Variants in CUBN observed in about 807,000 individuals in gnomAD.
CUBN encodes cubilin.
CUBN carries 282 observed loss-of-function variants against 405.3 expected under a neutral mutation model. That is an observed-to-expected ratio of 0.70 (90% confidence interval 0.63 to 0.77). CUBN has a LOEUF of 0.77. CUBN is among the 30% of genes least tolerant of loss of function. CUBN has a pLI of 0.00. For synonymous variants in CUBN, 1,684 were observed against 1,617.0 expected (o/e 1.04, Z -0.99); for missense variants, 4,514 against 4,475.2 (o/e 1.01, Z -0.25).
chr10:16,849,864 T>C (rs1171406859), intron 60 of CUBN, among the ~76,000 whole-genome samples: 2 of 152,146 alleles, frequency 1.3e-5, no homozygotes, highest in Non-Finnish European at 2.9e-5. Flanking sequence ...CCTCACTCAT[T>C]GGAAAACCTT....
chr10:17,004,858 T>C (rs1833975784), intron 28 of CUBN, among the ~76,000 whole-genome samples: 1 of 152,082 alleles, frequency 6.6e-6, no homozygotes, highest in African/African-American at 2.4e-5. Context: ...TTAGTAGAGA[T>C]GGGGTGGGCC....
At chr10:17,106,713 A>AG (rs1313963821) in intron 10 of CUBN, among the ~76,000 whole-genome samples, 2 of 152,016 alleles carry the variant, frequency 1.3e-5, no homozygotes, top group African/African-American at 4.8e-5. Context: ...AGCTAGAATG[A>AG]GGGGAGCCCA....
chr10:16,993,059 T>C (rs917591665), intron 28 of CUBN, among the ~76,000 whole-genome samples: 19 of 152,214 alleles, frequency 1.2e-4, no homozygotes, highest in African/African-American at 4.6e-4. Context: ...CAGTGCCTCA[T>C]GTAACTCGTG....
At chr10:17,089,927 G>C (rs933613334) in intron 14 of CUBN, among the ~76,000 whole-genome samples, 1 of 151,932 alleles carries the variant, frequency 6.6e-6, no homozygotes, top group Non-Finnish European at 1.5e-5. Flanking sequence ...TTTAAGAACG[G>C]CCTGGGCAGC....
intron 59 of CUBN, among the ~76,000 whole-genome samples, chr10:16,866,637 T>A (rs1189943646): frequency 6.6e-6 from 1 of 152,210 alleles, no homozygotes; most frequent in East Asian, 1.9e-4. Context: ...ATTTGCAGAT[T>A]ATTTCAGAGT....
chr10:17,119,957 T>G (rs17362157), intron 6 of CUBN, among the ~76,000 whole-genome samples: 19,620 of 152,220 alleles, frequency 0.13, 1,443 homozygotes, highest in Middle Eastern at 0.24. Flanking sequence ...AATGGCAAAT[T>G]ATTAATCCAG....
intron 29 of CUBN, among the ~76,000 whole-genome samples, chr10:16,986,013 C>T (rs555097528): frequency 3.3e-5 from 5 of 152,296 alleles, no homozygotes; most frequent in East Asian, 1.9e-4. Flanking sequence ...CTGTTTATCT[C>T]CTGTGTGTAT....
chr10:17,044,596 T>G (rs1406687645), intron 25 of CUBN, among the ~76,000 whole-genome samples: 1 of 152,160 alleles, frequency 6.6e-6, no homozygotes, highest in African/African-American at 2.4e-5. Flanking sequence ...TTATTTAGAT[T>G]TTTAACAAAT....
chr10:16,869,188 CAG>C (rs1840275340), intron 59 of CUBN, among the ~76,000 whole-genome samples: 1 of 76,432 alleles, frequency 1.3e-5, no homozygotes, highest in Admixed American at 1.2e-4. Flanking sequence ...TTTTTTGAGA[CAG>C]AGTCTCATTC....
intron 50 of CUBN, among the ~76,000 whole-genome samples, 160 bp downstream of exon 50, chr10:16,906,043 G>A (rs1246137901): frequency 3.3e-5 from 5 of 152,158 alleles, no homozygotes; most frequent in Non-Finnish European, 7.4e-5. Context: ...GAGCCTGGGA[G>A]GTTGAGGCTG....
At chr10:16,916,158 A>C in intron 45 of CUBN, 128 bp from the exon 46 acceptor site, 2 of 806,458 alleles carry the variant, frequency 2.5e-6, no homozygotes, top group Non-Finnish European at 3.9e-6. Context: ...AGTGACTCTG[A>C]ATTGAAGTTT....
intron 31 of CUBN, among the ~76,000 whole-genome samples, chr10:16,959,349 G>C (rs1252404289): frequency 6.6e-6 from 1 of 152,058 alleles, no homozygotes; most frequent in African/African-American, 2.4e-5. Context: ...TTATTCTCAG[G>C]CTTCGTGTGG....
chr10:17,090,826 TAA>T (rs59564374), intron 14 of CUBN, among the ~76,000 whole-genome samples: 25 of 93,954 alleles, frequency 2.7e-4, no homozygotes, highest in Admixed American at 3.6e-4. Flanking sequence ...AAATGTAAAG[TAA>T]AAAAAAAAAA....
intron 58 of CUBN, among the ~76,000 whole-genome samples, chr10:16,870,579 A>C (rs774360828): frequency 1.3e-5 from 2 of 152,216 alleles, no homozygotes; most frequent in African/African-American, 2.4e-5. Flanking sequence ...TTACGGAAGA[A>C]GCTTTACAAA....
intron 38 of CUBN, 51 bp from the exon 39 acceptor site, chr10:16,937,835 A>G: frequency 6.6e-7 from 1 of 1,511,648 alleles, no homozygotes; most frequent in Non-Finnish European, 9.0e-7. Context: ...ATTTTTCTTC[A>G]TAAAAAGATA....
At chr10:16,829,909 C>A (rs1292426062) in intron 65 of CUBN, among the ~76,000 whole-genome samples, 2 of 150,390 alleles carry the variant, frequency 1.3e-5, no homozygotes, top group Admixed American at 1.3e-4. Flanking sequence ...GCAAGCTCCA[C>A]CTCCCGGGTT....
intron 40 of CUBN, among the ~76,000 whole-genome samples, chr10:16,932,671 C>T (rs1185548811): frequency 1.3e-5 from 2 of 152,156 alleles, no homozygotes; most frequent in Non-Finnish European, 1.5e-5. Flanking sequence ...AGTGATCCTT[C>T]TCCTCGACCT....
chr10:16,952,869 G>T lies in CUBN; in HGVS notation c.4856-480C>A, dbSNP rs191622005. Among the ~76,000 whole-genome samples, 453 of 152,338 alleles carry T rather than the reference G, an allele frequency of 3.0e-3. 1 individual carries two copies. Among genetic ancestry groups the T allele is most frequent in the Non-Finnish European group, 4.2e-3 (283 of 68,024 alleles). ...CGGTCACCGCTGGAGGGCGTAAGAGGAGTCTTGCTGAGGAGGAGGCCGAGG... is the reference window on the plus strand; with the variant it reads ...CGGTCACCGCTGGAGGGCGTAAGAGTAGTCTTGCTGAGGAGGAGGCCGAGG... On this transcript the variant is annotated intron_variant, in intron 32 of 66. Transcript: ENST00000377833.
chr10:16,932,556 G>A (rs1842390914), intron 40 of CUBN, among the ~76,000 whole-genome samples: 1 of 152,004 alleles, frequency 6.6e-6, no homozygotes, highest in Non-Finnish European at 1.5e-5. Context: ...CACATTCAGG[G>A]GACAAAGAGA....
Sources: allele counts gnomAD v4.1 joint callset (sites outside exome capture counted in the v4.1 genomes callset), GRCh38; gene constraint gnomAD v4.1.1; transcripts MANE v1.5; gene names NCBI Gene and HGNC (gene_info 2026-07-23, HGNC 2026-07-21).